PTPN11: variants seen among roughly 807,000 people sequenced by gnomAD.
PTPN11 encodes protein tyrosine phosphatase non-receptor type 11, also known as tyrosine-protein phosphatase non-receptor type 11.
In PTPN11, 6 loss-of-function variants were observed where a neutral mutation model predicts 78.8. The ratio of observed to expected loss-of-function variants is 0.08; its 90% CI spans 0.04 to 0.15. PTPN11 has a LOEUF of 0.15. PTPN11 is among the 10% of genes least tolerant of loss of function. PTPN11 has a pLI of 1.00. For synonymous variants in PTPN11, 221 were observed against 263.5 expected, an observed-to-expected ratio of 0.84 and a Z score of 1.56; for missense variants, 386 against 744.8, an observed-to-expected ratio of 0.52 and a Z score of 5.61.
rs2038848290 is a variant in PTPN11 at position 112,499,434 on chromosome 12, G to A, written c.1600-2710G>A. Among the ~76,000 whole-genome samples, 3 of 152,010 alleles carry A rather than the reference G, an allele frequency of 2.0e-5. No homozygotes were observed. The South Asian group carries it at 6.2e-4, about 32-fold the overall frequency. On this transcript the variant is annotated intron_variant, in intron 13 of 15. Coordinates refer to ENST00000351677, the MANE Select transcript of PTPN11 (RefSeq NM_002834.5). ...GGCTCACTGCGACCTCTATCTCCCA[G>A]GTTCAAGTGTTTCTGCTGCTTCAGC...
At position 112,427,582 on chromosome 12, in the gene PTPN11, T is replaced by TATATAG. The variant is rs202193227; in HGVS notation, c.14+8473_14+8478dup. On this transcript the variant is annotated intron_variant, in intron 1 of 15. Transcript: ENST00000351677. Reference sequence around the variant, plus strand: ...ATCTATATATCTATATATCTATATCTATATAGATATAGATATAGATAATGC... The same window carrying TATATAG: ...ATCTATATATCTATATATCTATATCTATATAGATATAGATATAGATATAGATAATGC... Among the ~76,000 whole-genome samples the TATATAG allele has an allele frequency of 1.7e-4, 25 of 151,408 alleles. 1 individual carries two copies. The East Asian group carries it at 2.7e-3, about 16-fold the overall frequency.
At chr12:112,477,800 C>T (rs878931274) in intron 8 of PTPN11, 57 bp from the exon 9 acceptor site, 4 of 1,607,880 alleles carry the variant, frequency 2.5e-6, no homozygotes, top group Non-Finnish European at 2.6e-6. Context: ...TAAATCCTTC[C>T]TCATGTCCTG....
chr12:112,459,764 G>A (rs924220839), intron 6 of PTPN11, among the ~76,000 whole-genome samples: 3 of 151,508 alleles, frequency 2.0e-5, no homozygotes, highest in Admixed American at 6.6e-5. Flanking sequence ...CACTGCTCCC[G>A]GCCTTGAAGC....
At chr12:112,433,835 T>C (rs752563067) in intron 1 of PTPN11, among the ~76,000 whole-genome samples, 1 of 152,278 alleles carries the variant, frequency 6.6e-6, no homozygotes, top group East Asian at 1.9e-4. Flanking sequence ...GACACCTTCA[T>C]GGTCCCAGCT....
intron 15 of PTPN11, among the ~76,000 whole-genome samples, chr12:112,505,419 C>T (rs2038920886): frequency 6.6e-6 from 1 of 152,050 alleles, no homozygotes; most frequent in Non-Finnish European, 1.5e-5. Context: ...GTAATCCCAG[C>T]ACTTTGGGAG....
At position 112,506,946 on chromosome 12, in the gene PTPN11, T is replaced by TTGATGA. The variant is rs80269561; in HGVS notation, c.*1196_*1201dup. On this transcript the variant is annotated 3_prime_UTR_variant, in exon 16 of 16. Coordinates refer to ENST00000351677, the MANE Select transcript of PTPN11 (RefSeq NM_002834.5). ...ACAGTGTCCCTTCTACTTCCCTCTATTGATGATGATGATGATGATGATGAT... is the reference window on the plus strand; with the variant it reads ...ACAGTGTCCCTTCTACTTCCCTCTATTGATGATGATGATGATGATGATGATGATGAT... The TTGATGA allele has an allele frequency of 4.0e-3, 876 of 217,360 alleles. 1 individual carries two copies. Among genetic ancestry groups the TTGATGA allele is most frequent in the Middle Eastern group, 0.011 (6 of 528 alleles). The allele number at this position is 217,360 out of a possible 1,614,324, so 13.5% of individuals were successfully genotyped here. A position where few individuals can be genotyped will look rare whatever the true frequency, so the allele number is the denominator to read the frequency against.
intron 1 of PTPN11, among the ~76,000 whole-genome samples, chr12:112,434,736 A>G (rs1199459166): frequency 6.6e-6 from 1 of 152,144 alleles, no homozygotes; most frequent in African/African-American, 2.4e-5. Flanking sequence ...TAGTGTGTAT[A>G]TGCACATGAA....
At chr12:112,478,952 T>C (rs2038553706) in intron 9 of PTPN11, among the ~76,000 whole-genome samples, 1 of 152,156 alleles carries the variant, frequency 6.6e-6, no homozygotes, top group Non-Finnish European at 1.5e-5. Context: ...AGGCTGGTTT[T>C]GGAACCCCTG....
At chr12:112,441,346 C>G (rs1397381970) in intron 1 of PTPN11, among the ~76,000 whole-genome samples, 1 of 151,950 alleles carries the variant, frequency 6.6e-6, no homozygotes, top group Non-Finnish European at 1.5e-5. Context: ...ACTGCATTCT[C>G]TGCCTCCCAG....
In PTPN11 at chr12:112,469,579, A is replaced by G. The variant is rs150772642; in HGVS notation, c.757-3365A>G. ...ACCCAGGCTGGAGTGCAGTGACACA[A>G]TCTCGGCTCACTGCAACCTCTGCTT... On this transcript the variant is annotated intron_variant, in intron 6 of 15. Coordinates refer to ENST00000351677, the MANE Select transcript of PTPN11 (RefSeq NM_002834.5). 4.8e-4 allele frequency among the ~76,000 whole-genome samples: 73 copies of G among 152,194 alleles called. No homozygotes were observed. In the East Asian group the frequency reaches 0.013, roughly 27 times the overall value.
intron 13 of PTPN11, among the ~76,000 whole-genome samples, chr12:112,492,664 C>T (rs2038761203): frequency 6.6e-6 from 1 of 151,962 alleles, no homozygotes; most frequent in African/African-American, 2.4e-5. Flanking sequence ...ACTACAGGCG[C>T]CCGCCATCAC....
intron 13 of PTPN11, among the ~76,000 whole-genome samples, chr12:112,496,272 G>A (rs1205958810): frequency 2.6e-5 from 4 of 152,082 alleles, no homozygotes; most frequent in Non-Finnish European, 5.9e-5. Context: ...TCTCGTTTCT[G>A]AGTACTTCTC....
chr12:112,476,005 A>G (rs986013705), intron 7 of PTPN11, among the ~76,000 whole-genome samples: 4 of 151,980 alleles, frequency 2.6e-5, no homozygotes, highest in African/African-American at 4.8e-5. Flanking sequence ...GAGTTTCTCT[A>G]TGTTGCCCAG....
chr12:112,484,568 C>A (rs1307107198), intron 10 of PTPN11, among the ~76,000 whole-genome samples: 3 of 151,832 alleles, frequency 2.0e-5, no homozygotes, highest in African/African-American at 7.3e-5. Flanking sequence ...GACGGGGGGA[C>A]CAGAAGGAGC....
chr12:112,421,415 A>G (rs2037520213), intron 1 of PTPN11, among the ~76,000 whole-genome samples: 1 of 152,186 alleles, frequency 6.6e-6, no homozygotes. Flanking sequence ...GTTCTTAGGC[A>G]GCCACTATTC....
Position 112,477,968 on chromosome 12 carries a change from A to G in PTPN11, c.1045A>G (p.Asn349Asp), listed in dbSNP as rs1032908020. The G allele has an allele frequency of 3.1e-6, 5 of 1,614,160 alleles. No individual in the cohort carries two copies. Among genetic ancestry groups the G allele is most frequent in the South Asian group, 1.1e-5 (1 of 91,088 alleles). The change falls in exon 9 of 16, where the codon AAC becomes GAC. Residue 349 changes from asparagine (N) to aspartate (D), a missense_variant. This residue lies in a region of PTPN11 where 279 missense variants were observed against 503.3 expected (regional missense o/e 0.55). Coordinates refer to ENST00000351677, the MANE Select transcript of PTPN11 (RefSeq NM_002834.5). ...CTTTTGGCGGATGGTGTTCCAAGAA[A>G]ACTCCCGAGTGATTGTCATGACAAC... ...NDFWRMVFQENSRVIVMTTKE... is the reference protein window; with the variant it reads ...NDFWRMVFQEDSRVIVMTTKE...
intron 1 of PTPN11, among the ~76,000 whole-genome samples, chr12:112,434,698 A>C (rs1044860484): frequency 1.3e-5 from 2 of 152,108 alleles, no homozygotes; most frequent in African/African-American, 4.8e-5. Flanking sequence ...GTGTGTGTCG[A>C]GTGTGTTTCA....
At chr12:112,428,303 T>G (rs979497414) in intron 1 of PTPN11, among the ~76,000 whole-genome samples, 2 of 152,146 alleles carry the variant, frequency 1.3e-5, no homozygotes, top group Non-Finnish European at 2.9e-5. Context: ...GTACTTACAT[T>G]GCAGGTTTCA....
chr12:112,471,658 G>T (rs2038419828), intron 6 of PTPN11, among the ~76,000 whole-genome samples: 1 of 150,030 alleles, frequency 6.7e-6, no homozygotes. Flanking sequence ...AAATTTAAGG[G>T]AGAACACAGT....
Sources: gnomAD v4.1 joint callset for allele counts (sites outside exome capture counted in the v4.1 genomes callset) on GRCh38, gnomAD v4.1.1 for gene constraint, gnomAD v4.1.1 regional missense constraint, MANE v1.5 for transcripts, NCBI Gene and HGNC (gene_info 2026-07-23, HGNC 2026-07-21) for gene names.